INTS7: variants seen among roughly 807,000 people sequenced by gnomAD.
The protein encoded by INTS7 is integrator complex subunit 7, also known as chromosome 1 open reading frame 73.
INTS7 carries 46 observed loss-of-function variants against 109.2 expected under a neutral mutation model. That is an observed-to-expected ratio of 0.42 (90% CI 0.33 to 0.54). The LOEUF is 0.54. INTS7 is among the 20% of genes least tolerant of loss of function. The pLI is 0.07. For missense variants in INTS7, 929 were observed against 1,132.4 expected, an observed-to-expected ratio of 0.82 and a Z score of 2.58; for synonymous variants, 412 against 402.9, an observed-to-expected ratio of 1.02 and a Z score of -0.27.
intron 9 of INTS7, 56 bp from the exon 10 acceptor site, chr1:211,981,246 A>AT: frequency 1.9e-5 from 21 of 1,078,236 alleles, no homozygotes; most frequent in Non-Finnish European, 2.9e-5. Flanking sequence ...ACAAACACAC[A>AT]CACATATACA....
intron 1 of INTS7, among the ~76,000 whole-genome samples, chr1:212,031,176 G>A (rs1292517117): frequency 6.6e-6 from 1 of 152,072 alleles, no homozygotes; most frequent in African/African-American, 2.4e-5. Flanking sequence ...CCTTTCCAAG[G>A]TCAACATTGC....
At chr1:211,947,708 A>G (rs1420641809) in intron 17 of INTS7, among the ~76,000 whole-genome samples, 4 of 152,198 alleles carry the variant, frequency 2.6e-5, no homozygotes, top group African/African-American at 9.7e-5. Flanking sequence ...AACAGTTGCA[A>G]CTAGGCCCTG....
chr1:211,941,966 A>G lies in INTS7; in HGVS notation c.2747T>C (p.Ile916Thr). 6 of 1,614,226 alleles carry G rather than the reference A, an allele frequency of 3.7e-6. No individual in the cohort carries two copies. The highest frequency in any genetic ancestry group is 5.1e-6 in the Non-Finnish European group (6 of 1,180,028). Residue 916 changes from isoleucine to threonine, a missense_variant, in exon 20 of 20, where the codon ATA becomes ACA. By Grantham distance (89) the Ile-to-Thr change is moderately conservative. Transcript: ENST00000366994. ...AGTTCTGGGACCAGTCTTCCATACT[A>G]TACCATTGGCATCTTTCACAGAAGA... ...VESSVKDANG[I>T]VWKTGPRTTI...
At chr1:211,956,481 TGAA>T (rs1474211872) in intron 16 of INTS7, among the ~76,000 whole-genome samples, 1 of 152,220 alleles carries the variant, frequency 6.6e-6, no homozygotes, top group Admixed American at 6.5e-5. Context: ...TCTATGCTAA[TGAA>T]GAATATTTAA....
At chr1:211,949,907 A>G (rs1000139062) in intron 17 of INTS7, among the ~76,000 whole-genome samples, 2 of 152,212 alleles carry the variant, frequency 1.3e-5, no homozygotes, top group African/African-American at 4.8e-5. Flanking sequence ...CTGCTTTTGA[A>G]TATGTTCTCT....
At chr1:212,012,049 T>C (rs1385456752) in intron 4 of INTS7, among the ~76,000 whole-genome samples, 1 of 152,236 alleles carries the variant, frequency 6.6e-6, no homozygotes, top group African/African-American at 2.4e-5. Flanking sequence ...ACCTGAGCAC[T>C]GGGCATCCAT....
intron 16 of INTS7, among the ~76,000 whole-genome samples, chr1:211,957,656 C>T (rs1377331378): frequency 1.3e-5 from 2 of 152,062 alleles, no homozygotes; most frequent in South Asian, 2.1e-4. Flanking sequence ...TCTTGCTGTC[C>T]GTAACCTTTT....
chr1:211,968,908 AT>A (rs1664031784), intron 13 of INTS7, among the ~76,000 whole-genome samples: 2 of 152,216 alleles, frequency 1.3e-5, no homozygotes, highest in African/African-American at 4.8e-5. Flanking sequence ...GAAAAACTGT[AT>A]GTACAACCAC....
chr1:211,992,160 T>A (rs1013910798), intron 7 of INTS7, among the ~76,000 whole-genome samples: 1 of 152,190 alleles, frequency 6.6e-6, no homozygotes, highest in Admixed American at 6.5e-5. Flanking sequence ...CTTGTACTGT[T>A]AATTAGCTTG....
At chr1:211,974,408 C>G (rs2102418123) in intron 13 of INTS7, among the ~76,000 whole-genome samples, 1 of 150,638 alleles carries the variant, frequency 6.6e-6, no homozygotes, top group East Asian at 1.9e-4. Context: ...GATAGGCCAC[C>G]ATTCAAAATA....
At chr1:212,021,026 T>C in intron 2 of INTS7, 57 bp downstream of exon 2, 2 of 1,502,776 alleles carry the variant, frequency 1.3e-6, no homozygotes, top group Non-Finnish European at 1.8e-6. Flanking sequence ...GACCACAATA[T>C]AAAACAAGAA....
intron 13 of INTS7, 24 bp from the exon 14 acceptor site, chr1:211,968,731 T>G: frequency 6.5e-7 from 1 of 1,530,950 alleles, no homozygotes; most frequent in Non-Finnish European, 8.9e-7. Context: ...AAAAAAGAGA[T>G]ATTTAAGACA....
intron 17 of INTS7, among the ~76,000 whole-genome samples, chr1:211,947,934 G>C (rs1662913297): frequency 6.6e-6 from 1 of 152,216 alleles, no homozygotes; most frequent in Non-Finnish European, 1.5e-5. Context: ...AAGGTAAAGA[G>C]ATCAGGCCGC....
chr1:211,997,710 C>T (rs1207919689), intron 7 of INTS7, among the ~76,000 whole-genome samples: 3 of 151,666 alleles, frequency 2.0e-5, no homozygotes, highest in Non-Finnish European at 4.4e-5. Flanking sequence ...GAAACCCCAT[C>T]TCTACTAAAA....
chr1:211,998,916 G>A (rs1210527100), intron 7 of INTS7, among the ~76,000 whole-genome samples: 2 of 152,182 alleles, frequency 1.3e-5, no homozygotes, highest in African/African-American at 4.8e-5. Context: ...AACATCATTA[G>A]CCATTAGGAA....
intron 1 of INTS7, among the ~76,000 whole-genome samples, chr1:212,022,247 G>A (rs924653212): frequency 2.6e-5 from 4 of 152,152 alleles, no homozygotes; most frequent in African/African-American, 9.7e-5. Flanking sequence ...TATGAGCTTA[G>A]GTTAGGCAAA....
chr1:211,999,322 T>C (rs1665553895), intron 7 of INTS7, among the ~76,000 whole-genome samples: 1 of 152,176 alleles, frequency 6.6e-6, no homozygotes, highest in South Asian at 2.1e-4. Flanking sequence ...ACAACATGGA[T>C]AAATATTAAA....
At chr1:212,015,836 T>C (rs1666412001) in intron 4 of INTS7, among the ~76,000 whole-genome samples, 1 of 150,452 alleles carries the variant, frequency 6.6e-6, no homozygotes, top group African/African-American at 2.4e-5. Flanking sequence ...GAGAAATTTA[T>C]AAAAAGAAAA....
At chr1:212,029,377 T>C (rs1174928661) in intron 1 of INTS7, among the ~76,000 whole-genome samples, 1 of 152,196 alleles carries the variant, frequency 6.6e-6, no homozygotes, top group East Asian at 1.9e-4. Flanking sequence ...ATCGTAGCCA[T>C]TGTTGTTGCT....
Sources: allele counts gnomAD v4.1 joint callset (sites outside exome capture counted in the v4.1 genomes callset), GRCh38; gene constraint gnomAD v4.1.1; transcripts MANE v1.5; gene names NCBI Gene and HGNC (gene_info 2026-07-23, HGNC 2026-07-21).